The following ABCC1 variants were observed in gnomAD, a reference collection of about 807,000 sequenced individuals.
ABCC1 encodes the protein ATP binding cassette subfamily C member 1 (ABCC1 blood group).
ABCC1 carries 83 observed loss-of-function variants against 172.9 expected under a neutral mutation model. The ratio of observed to expected loss-of-function variants is 0.48; its 90% CI spans 0.40 to 0.58. The LOEUF is 0.58. Among genes scored for constraint, ABCC1 ranks in the 20% least tolerant of loss-of-function variants. The probability of loss-of-function intolerance (pLI) is 0.00; values close to 1 mark genes in which losing one functional copy is unlikely to be tolerated. For missense variants in ABCC1, 1,817 were observed against 2,002.7 expected (o/e 0.91, Z 1.77); for synonymous variants, 937 against 825.2 (o/e 1.14, Z -2.32).
chr16:16,127,025 G>A (rs755560867), intron 26 of ABCC1, among the ~76,000 whole-genome samples: 2 of 152,062 alleles, frequency 1.3e-5, no homozygotes, highest in East Asian at 1.9e-4. Flanking sequence ...TTGATGTTGC[G>A]TTGCCCTTAA....
Position 16,052,797 on chromosome 16 carries a change from T to C in ABCC1, c.1454T>C (p.Met485Thr). 1 of 1,614,104 alleles carries C rather than the reference T, an allele frequency of 6.2e-7. No individual in the cohort carries two copies. The highest frequency in any genetic ancestry group is 1.7e-5 in the Admixed American group (1 of 60,010). The change falls in exon 11 of 31, where the codon ATG (methionine) becomes ACG (threonine). Residue 485 changes from methionine (M) to threonine (T), a missense_variant. This residue lies in a region of ABCC1 where 1,412 missense variants were observed against 1,600.3 expected (regional missense o/e 0.88). Coordinates refer to ENST00000399410, the MANE Select transcript of ABCC1 (RefSeq NM_004996.4). ...GTGCCCGTCAATGCTGTGATGGCGA[T>C]GAAGACCAAGACGTATCAGGTAAGG... ...LMVPVNAVMA[M>T]KTKTYQVAHM...
intron 1 of ABCC1, among the ~76,000 whole-genome samples, chr16:15,950,391 G>A (rs1359883585): frequency 3.3e-5 from 5 of 152,062 alleles, no homozygotes; most frequent in Non-Finnish European, 7.4e-5. Context: ...GGGAACCAGG[G>A]AAGAAGGGGG....
chr16:16,117,453 G>A (rs2044941652), intron 23 of ABCC1, among the ~76,000 whole-genome samples: 1 of 152,152 alleles, frequency 6.6e-6, no homozygotes, highest in Non-Finnish European at 1.5e-5. Flanking sequence ...TTTGGGTGGG[G>A]ACACAGCCAA....
rs2049129920 is a variant in ABCC1 at position 16,044,700 on chromosome 16, AG to A, written c.1040+22del. 1 of 1,603,480 alleles carries A rather than the reference AG, an allele frequency of 6.2e-7. No homozygotes were observed. The highest frequency in any genetic ancestry group is 1.1e-5 in the South Asian group (1 of 90,842). On this transcript the variant is annotated intron_variant, in intron 8 of 30. Coordinates refer to ENST00000399410, the MANE Select transcript of ABCC1 (RefSeq NM_004996.4). ...CTTAAAGTAAGACCCCTTCCCTCCCAGGTGGGCTCCATTTTCCCTCCTTGGC... is the reference window on the plus strand; with the variant it reads ...CTTAAAGTAAGACCCCTTCCCTCCCAGTGGGCTCCATTTTCCCTCCTTGGC...
At chr16:16,009,367 C>T (rs541945234) in intron 2 of ABCC1, among the ~76,000 whole-genome samples, 2 of 152,218 alleles carry the variant, frequency 1.3e-5, no homozygotes, top group African/African-American at 4.8e-5. Context: ...ATGGATGCAC[C>T]TTGAAACATA....
intron 28 of ABCC1, 64 bp from the exon 29 acceptor site, chr16:16,136,414 C>T (rs1407239305): frequency 2.7e-5 from 43 of 1,567,778 alleles, no homozygotes; most frequent in South Asian, 3.5e-5. Flanking sequence ...GTCCTTAGGT[C>T]GCCTCCATCC....
At chr16:16,095,050 T>G (rs7194549) in intron 19 of ABCC1, 18,528 of 151,708 alleles carry the variant, frequency 0.12, 1,256 homozygotes, top group East Asian at 0.22. Context: ...ACTCCTGGCC[T>G]CAAGGGATCC....
intron 11 of ABCC1, among the ~76,000 whole-genome samples, chr16:16,054,245 G>A (rs2049556327): frequency 6.6e-6 from 1 of 152,070 alleles, no homozygotes; most frequent in Admixed American, 6.6e-5. Flanking sequence ...AAATTGCTGG[G>A]ATTACAGGCA....
chr16:16,134,682 A>G (rs1268343421), intron 28 of ABCC1, among the ~76,000 whole-genome samples, 174 bp downstream of exon 28: 1 of 128,588 alleles, frequency 7.8e-6, no homozygotes, highest in Admixed American at 9.7e-5. Flanking sequence ...TGTTGCCCAG[A>G]GTGGAGTGCG....
chr16:16,003,606 G>T, intron 1 of ABCC1, among the ~76,000 whole-genome samples: 1 of 148,962 alleles, frequency 6.7e-6, no homozygotes, highest in East Asian at 2.0e-4. Context: ...ATTGGTGGAT[G>T]GGTAGGTGGA....
At chr16:15,973,211 A>T (rs2046408285) in intron 1 of ABCC1, among the ~76,000 whole-genome samples, 1 of 152,192 alleles carries the variant, frequency 6.6e-6, no homozygotes, top group East Asian at 1.9e-4. Flanking sequence ...TTATGTGCTT[A>T]CTTTAATAGC....
At chr16:16,125,148 A>G (rs1334165328) in intron 25 of ABCC1, among the ~76,000 whole-genome samples, 1 of 152,180 alleles carries the variant, frequency 6.6e-6, no homozygotes, top group African/African-American at 2.4e-5. Context: ...GTGGCCCAAG[A>G]GGATACTTCC....
At chr16:16,018,202 T>C (rs1435577885) in intron 5 of ABCC1, among the ~76,000 whole-genome samples, 3 of 152,072 alleles carry the variant, frequency 2.0e-5, no homozygotes, top group Non-Finnish European at 4.4e-5. Flanking sequence ...CGAAAGGGCT[T>C]GGTGGGCATC....
At chr16:15,960,945 G>A (rs1365168791) in intron 1 of ABCC1, among the ~76,000 whole-genome samples, 2 of 148,792 alleles carry the variant, frequency 1.3e-5, no homozygotes, top group Non-Finnish European at 2.9e-5. Context: ...AACAATGCAT[G>A]GTCCCTGGCA....
intron 21 of ABCC1, among the ~76,000 whole-genome samples, chr16:16,110,845 T>C (rs934026018): frequency 1.6e-4 from 24 of 152,208 alleles, no homozygotes; most frequent in Non-Finnish European, 2.8e-4. Context: ...GATGATTTTA[T>C]GGGAGCCTAT....
At chr16:16,010,585 C>G (rs924314229) in intron 3 of ABCC1, among the ~76,000 whole-genome samples, 2 of 152,116 alleles carry the variant, frequency 1.3e-5, no homozygotes, top group Non-Finnish European at 2.9e-5. Context: ...CTGCTCTGTC[C>G]CGGGGGATAC....
intron 12 of ABCC1, among the ~76,000 whole-genome samples, chr16:16,062,674 G>T (rs1232344790): frequency 6.6e-6 from 1 of 152,210 alleles, no homozygotes; most frequent in East Asian, 1.9e-4. Context: ...ACTACATTAG[G>T]ATAAAATATG....
intron 28 of ABCC1, among the ~76,000 whole-genome samples, 184 bp downstream of exon 28, chr16:16,134,692 G>A (rs1299118132): frequency 3.4e-5 from 5 of 146,466 alleles, no homozygotes; most frequent in Non-Finnish European, 7.4e-5. Context: ...AGTGGAGTGC[G>A]CTGGCGCAAT....
chr16:16,063,171 A>G (rs2049983827), intron 12 of ABCC1, among the ~76,000 whole-genome samples: 1 of 152,172 alleles, frequency 6.6e-6, no homozygotes, highest in Non-Finnish European at 1.5e-5. Flanking sequence ...CAGTGGCACA[A>G]TCACAGCTCA....
Sources: gnomAD v4.1 joint callset for allele counts (sites outside exome capture counted in the v4.1 genomes callset) on GRCh38, gnomAD v4.1.1 for gene constraint, gnomAD v4.1.1 regional missense constraint, MANE v1.5 for transcripts, NCBI Gene and HGNC (gene_info 2026-07-23, HGNC 2026-07-21) for gene names.